The following SPATS2L variants were observed in gnomAD, a reference collection of about 807,000 sequenced individuals.
SPATS2L encodes the protein SPATS2-like protein.
Under a neutral mutation model 59.6 loss-of-function variants are expected in SPATS2L, and 30 were observed. The ratio of observed to expected loss-of-function variants is 0.50; its 90% CI spans 0.38 to 0.68. SPATS2L has a LOEUF of 0.68. Ranked by LOEUF, SPATS2L falls within the 30% of genes least tolerant of loss-of-function variation. The pLI is 0.00. For missense variants in SPATS2L, 615 were observed against 700.0 expected, an observed-to-expected ratio of 0.88 and a Z score of 1.37; for synonymous variants, 252 against 263.5, an observed-to-expected ratio of 0.96 and a Z score of 0.42.
At chr2:200,396,648 A>G (rs921714362) in intron 3 of SPATS2L, among the ~76,000 whole-genome samples, 2 of 152,232 alleles carry the variant, frequency 1.3e-5, no homozygotes, top group African/African-American at 2.4e-5. Context: ...ACCCATCATT[A>G]TGCATCTTTA....
chr2:200,338,120 G>A (rs760594685), intron 2 of SPATS2L, among the ~76,000 whole-genome samples: 56 of 152,080 alleles, frequency 3.7e-4, no homozygotes, highest in Admixed American at 8.5e-4. Context: ...AGCCTCCTGG[G>A]CTCACGTGAT....
chr2:200,446,865 A>T (rs1187801725), intron 8 of SPATS2L, among the ~76,000 whole-genome samples: 1 of 152,196 alleles, frequency 6.6e-6, no homozygotes, highest in East Asian at 1.9e-4. Context: ...TTTTTTCCAT[A>T]GTGCCTGAAA....
intron 8 of SPATS2L, among the ~76,000 whole-genome samples, chr2:200,447,411 T>C (rs1048941143): frequency 1.3e-5 from 2 of 152,216 alleles, no homozygotes; most frequent in East Asian, 1.9e-4. Context: ...CAAATACTTA[T>C]TGGCCATTTT....
At chr2:200,430,785 T>G (rs2106059421) in intron 6 of SPATS2L, among the ~76,000 whole-genome samples, 1 of 151,144 alleles carries the variant, frequency 6.6e-6, no homozygotes. Flanking sequence ...TGACATGATC[T>G]TGGCTCACCA....
intron 3 of SPATS2L, among the ~76,000 whole-genome samples, chr2:200,409,678 C>G (rs967956113): frequency 2.0e-5 from 3 of 152,094 alleles, no homozygotes; most frequent in African/African-American, 7.2e-5. Flanking sequence ...TCCCCTTTTT[C>G]TGTAAAACTT....
At chr2:200,376,490 T>A (rs951211912) in intron 2 of SPATS2L, among the ~76,000 whole-genome samples, 2 of 152,220 alleles carry the variant, frequency 1.3e-5, no homozygotes, top group African/African-American at 4.8e-5. Flanking sequence ...GGTTTAGTAA[T>A]TTTTAGATTG....
intron 8 of SPATS2L, among the ~76,000 whole-genome samples, chr2:200,452,010 C>A (rs1165099289): frequency 6.6e-6 from 1 of 152,154 alleles, no homozygotes; most frequent in Non-Finnish European, 1.5e-5. Flanking sequence ...GTTGGCCAGG[C>A]TGGTCTTGAA....
intron 3 of SPATS2L, among the ~76,000 whole-genome samples, chr2:200,398,026 C>T (rs759204883): frequency 1.3e-5 from 2 of 152,148 alleles, no homozygotes; most frequent in East Asian, 1.9e-4. Flanking sequence ...ATGTCTCAAA[C>T]TTACAATGCA....
chr2:200,396,569 C>G (rs191860876), intron 3 of SPATS2L, among the ~76,000 whole-genome samples: 66 of 152,140 alleles, frequency 4.3e-4, no homozygotes, highest in Admixed American at 4.1e-3. Context: ...ACATATAGTT[C>G]AAATCTTTAT....
intron 1 of SPATS2L, among the ~76,000 whole-genome samples, chr2:200,320,656 G>GT (rs2079532817): frequency 1.3e-5 from 2 of 152,136 alleles, no homozygotes; most frequent in South Asian, 4.2e-4. Context: ...ATGGCATTGT[G>GT]TCACTAATGG....
chr2:200,388,763 G>GT (rs891640862), intron 2 of SPATS2L, among the ~76,000 whole-genome samples: 5 of 151,594 alleles, frequency 3.3e-5, no homozygotes, highest in East Asian at 1.9e-4. Flanking sequence ...GTTTTCTCCT[G>GT]TTTTTTTCCA....
chr2:200,344,210 C>A (rs1429385797), intron 2 of SPATS2L, among the ~76,000 whole-genome samples: 3 of 151,940 alleles, frequency 2.0e-5, no homozygotes, highest in Admixed American at 2.0e-4. Flanking sequence ...TTTTTCTGAT[C>A]CTCTCCCTCC....
Position 200,440,667 on chromosome 2 carries a change from C to A in SPATS2L, c.671C>A (p.Ser224Ter). 1 of 1,612,570 alleles carries A rather than the reference C, an allele frequency of 6.2e-7. No individual in the cohort carries two copies. The highest frequency in any genetic ancestry group is 1.1e-5 in the South Asian group (1 of 90,908). ...ATTTTAGGCCCAAATATTGAGAAAT[C>A]AGTGAAGGATTTGCAACGCTGCACC... ...AKKRGPNIEKSVKDLQRCTVS... is the reference protein window; with the variant it reads ...AKKRGPNIEK Residue 224 changes from serine (S) to a stop codon, truncating the protein, a stop_gained, in exon 8 of 13, where the codon TCA becomes TAA. Coordinates refer to ENST00000409140, the MANE Select transcript of SPATS2L (RefSeq NM_001100423.2). LOFTEE classifies it high-confidence loss of function.
intron 7 of SPATS2L, 46 bp from the exon 8 acceptor site, chr2:200,440,603 A>AG: frequency 1.3e-6 from 2 of 1,574,904 alleles, no homozygotes; most frequent in South Asian, 2.3e-5. Flanking sequence ...TTACAAACAA[A>AG]GGATTAAATG....
At chr2:200,369,315 T>G (rs1024638222) in intron 2 of SPATS2L, among the ~76,000 whole-genome samples, 12 of 152,094 alleles carry the variant, frequency 7.9e-5, no homozygotes, top group African/African-American at 2.7e-4. Context: ...TGCACCACCA[T>G]GCCCGACAAA....
chr2:200,317,855 G>A (rs1038015506), intron 1 of SPATS2L, among the ~76,000 whole-genome samples: 1 of 152,182 alleles, frequency 6.6e-6, no homozygotes, highest in African/African-American at 2.4e-5. Context: ...TGAAAAAGAA[G>A]ATTTATATAT....
intron 6 of SPATS2L, among the ~76,000 whole-genome samples, chr2:200,436,004 C>T (rs2084262496): frequency 6.6e-6 from 1 of 152,036 alleles, no homozygotes; most frequent in Admixed American, 6.6e-5. Flanking sequence ...TCAGCATATA[C>T]ATTACACTTA....
intron 12 of SPATS2L, 95 bp from the exon 13 acceptor site, chr2:200,477,541 T>A: frequency 1.1e-5 from 7 of 644,534 alleles, no homozygotes; most frequent in African/African-American, 3.1e-5. Flanking sequence ...AAAAAAAAGC[T>A]TACCTGTGGC....
intron 8 of SPATS2L, among the ~76,000 whole-genome samples, chr2:200,456,962 C>T (rs796585414): frequency 2.2e-4 from 33 of 152,262 alleles, no homozygotes; most frequent in African/African-American, 7.9e-4. Context: ...GGTCCTCTCA[C>T]ATCCTTCTCA....
Sources: allele counts gnomAD v4.1 joint callset (sites outside exome capture counted in the v4.1 genomes callset), GRCh38; gene constraint gnomAD v4.1.1; transcripts MANE v1.5; gene names NCBI Gene and HGNC (gene_info 2026-07-23, HGNC 2026-07-21).